Variants in ZMIZ1 observed in about 807,000 individuals in gnomAD.
ZMIZ1 encodes zinc finger MIZ-type containing 1.
ZMIZ1 carries 17 observed loss-of-function variants against 113.9 expected under a neutral mutation model. The observed-to-expected ratio is 0.15, with a 90% confidence interval of 0.10 to 0.22. ZMIZ1 has a LOEUF of 0.22. Ranked by LOEUF, ZMIZ1 falls within the 10% of genes least tolerant of loss-of-function variation. The probability of loss-of-function intolerance (pLI) is 1.00; values close to 1 mark genes in which losing one functional copy is unlikely to be tolerated. For synonymous variants in ZMIZ1, 607 were observed against 603.1 expected, an observed-to-expected ratio of 1.01 and a Z score of -0.09; for missense variants, 1,059 against 1,477.8, an observed-to-expected ratio of 0.72 and a Z score of 4.65.
chr10:79,158,643 G>C lies in ZMIZ1; in HGVS notation c.-130-3410G>C, dbSNP rs184936617. 2.7e-4 allele frequency among the ~76,000 whole-genome samples: 41 copies of C among 152,320 alleles called. No homozygotes were observed. The East Asian group carries it at 7.9e-3, about 29-fold the overall frequency. ...CAGGCATCCTGGATTGACTGATCCT[G>C]CATCTCTCTGGGTCAGACTCAGCCC... On this transcript the variant is annotated intron_variant, in intron 3 of 24. Transcript: ENST00000334512.
intron 7 of ZMIZ1, among the ~76,000 whole-genome samples, chr10:79,261,968 A>G (rs57825790): frequency 0.025 from 3,768 of 152,304 alleles, 175 homozygotes; most frequent in African/African-American, 0.086. Flanking sequence ...CTCATAGGCC[A>G]GGGAGAGAGA....
intron 1 of ZMIZ1, among the ~76,000 whole-genome samples, chr10:79,101,891 A>C (rs1232310615): frequency 1.3e-5 from 2 of 152,136 alleles, no homozygotes; most frequent in East Asian, 3.9e-4. Context: ...GTCAATTACC[A>C]TCAGCTGCCA....
At chr10:79,292,035 A>T in intron 10 of ZMIZ1, 123 bp from the exon 11 acceptor site, 1 of 976,514 alleles carries the variant, frequency 1.0e-6, no homozygotes, top group Non-Finnish European at 1.6e-6. Flanking sequence ...GCCAATCCCA[A>T]GAGGCCCCGT....
In ZMIZ1 at chr10:79,305,554, C is replaced by G; in HGVS notation, c.2376C>G (p.Gly792=). The G allele has an allele frequency of 1.2e-6, 2 of 1,614,120 alleles. No homozygotes were observed. The highest frequency in any genetic ancestry group is 4.5e-5 in the East Asian group (2 of 44,878). ...CCAGTAAAACCGCTCTGCTGGAGGG[C>G]CTGGAGGTGGATCAGTACATGTGGG... ...PVCNKTALLE[G]LEVDQYMWGI... Residue 792 remains glycine, a synonymous_variant, in exon 21 of 25, where the codon GGC becomes GGG. Transcript: ENST00000334512.
intron 1 of ZMIZ1, among the ~76,000 whole-genome samples, chr10:79,081,402 T>G (rs1842654151): frequency 6.6e-6 from 1 of 152,202 alleles, no homozygotes; most frequent in African/African-American, 2.4e-5. Flanking sequence ...TAGCCCAGGT[T>G]GTAAGACGTG....
intron 8 of ZMIZ1, among the ~76,000 whole-genome samples, chr10:79,288,150 CT>C (rs929965206): frequency 1.3e-5 from 2 of 152,248 alleles, no homozygotes; most frequent in African/African-American, 4.8e-5. Context: ...CTGGTCGCCT[CT>C]GCAGGAGCCC....
At chr10:79,290,418 C>T (rs1480925964) in intron 9 of ZMIZ1, among the ~76,000 whole-genome samples, 4 of 152,228 alleles carry the variant, frequency 2.6e-5, no homozygotes, top group Admixed American at 2.6e-4. Context: ...TCTGTGGCTA[C>T]ATGGAAGGCT....
chr10:79,223,692 A>G (rs1315212029), intron 7 of ZMIZ1, among the ~76,000 whole-genome samples: 3 of 152,252 alleles, frequency 2.0e-5, no homozygotes, highest in African/African-American at 7.2e-5. Context: ...CCCAGGTCAC[A>G]TGGCTTCTGG....
chr10:79,152,403 G>A (rs1845747798), intron 3 of ZMIZ1, among the ~76,000 whole-genome samples: 1 of 152,224 alleles, frequency 6.6e-6, no homozygotes, highest in East Asian at 1.9e-4. Flanking sequence ...GGAGGGTTGA[G>A]GTGGGAGGAT....
intron 4 of ZMIZ1, among the ~76,000 whole-genome samples, chr10:79,193,803 G>A (rs1589404663): frequency 6.6e-6 from 1 of 152,228 alleles, no homozygotes; most frequent in East Asian, 1.9e-4. Context: ...GCAAAGACAT[G>A]GAGGTGCGAT....
At chr10:79,299,376 G>C (rs1392660727) in intron 16 of ZMIZ1, among the ~76,000 whole-genome samples, 185 bp downstream of exon 16, 1 of 152,264 alleles carries the variant, frequency 6.6e-6, no homozygotes, top group African/African-American at 2.4e-5. Context: ...TGCACAGGTA[G>C]ATGAGCAGTC....
intron 1 of ZMIZ1, among the ~76,000 whole-genome samples, chr10:79,112,430 C>T (rs77548561): frequency 0.011 from 1,740 of 152,240 alleles, 20 homozygotes; most frequent in African/African-American, 0.039. Flanking sequence ...GCTCCATCAC[C>T]GAAAGTCCTT....
chr10:79,071,653 C>T (rs1049064741), intron 1 of ZMIZ1, among the ~76,000 whole-genome samples: 1 of 152,220 alleles, frequency 6.6e-6, no homozygotes, highest in East Asian at 1.9e-4. Flanking sequence ...GTGCAGGGGC[C>T]GGGTGGGTTT....
chr10:79,241,867 C>T (rs995031708), intron 7 of ZMIZ1, among the ~76,000 whole-genome samples: 3 of 152,018 alleles, frequency 2.0e-5, no homozygotes, highest in African/African-American at 7.3e-5. Flanking sequence ...GGTCAGCTCC[C>T]GGTGTTGGCC....
At chr10:79,185,107 A>G (rs1267557839) in intron 4 of ZMIZ1, among the ~76,000 whole-genome samples, 3 of 151,872 alleles carry the variant, frequency 2.0e-5, no homozygotes, top group East Asian at 1.9e-4. Flanking sequence ...TTGGCTGTGG[A>G]TAATTGTCGG....
Position 79,118,260 on chromosome 10 carries a change from C to T in ZMIZ1, c.-336-655C>T, listed in dbSNP as rs1348841391. On this transcript the variant is annotated intron_variant, in intron 1 of 24. Transcript: ENST00000334512. The surrounding 1 kb of genome is among the most constrained non-coding windows in gnomAD (Gnocchi z 4.1). ...GGAGGCCTCCTGACTTCAGTCAGCCCATGTTTTTCTGTTTGTTCACTGCAC... is the reference window on the plus strand; with the variant it reads ...GGAGGCCTCCTGACTTCAGTCAGCCTATGTTTTTCTGTTTGTTCACTGCAC... Among the ~76,000 whole-genome samples the T allele has an allele frequency of 6.6e-6, 1 of 152,148 alleles. No individual in the cohort carries two copies. Among genetic ancestry groups the T allele is most frequent in the South Asian group, 2.1e-4 (1 of 4,824 alleles).
chr10:79,168,560 C>T (rs11597946), intron 4 of ZMIZ1, among the ~76,000 whole-genome samples: 29,399 of 152,152 alleles, frequency 0.19, 3,168 homozygotes, highest in Middle Eastern at 0.24. Context: ...AGCTTGTGCA[C>T]CCTCAGCTTC....
At chr10:79,263,093 G>A (rs1851368076) in intron 7 of ZMIZ1, among the ~76,000 whole-genome samples, 2 of 152,250 alleles carry the variant, frequency 1.3e-5, no homozygotes, top group South Asian at 2.1e-4. Context: ...CATAGCACAG[G>A]GTCAGAAGGG....
Position 79,266,512 on chromosome 10 carries a change from A to C in ZMIZ1, c.281-10669A>C, listed in dbSNP as rs1387520331. On this transcript the variant is annotated intron_variant, in intron 7 of 24. Coordinates refer to ENST00000334512, the MANE Select transcript of ZMIZ1 (RefSeq NM_020338.4). ...GAGAACCAAAAGGTTGTGTGCTCCC[A>C]CGGCCCGGTTAGATCCTCATCCACA... Among the ~76,000 whole-genome samples, 6 of 152,366 alleles carry C rather than the reference A, an allele frequency of 3.9e-5. No homozygotes were observed. In the East Asian group the frequency reaches 9.6e-4, roughly 24 times the overall value.
Sources: gnomAD v4.1 joint callset for allele counts (sites outside exome capture counted in the v4.1 genomes callset) on GRCh38, gnomAD v4.1.1 for gene constraint, Gnocchi (gnomAD v3.1) non-coding constraint, MANE v1.5 for transcripts, NCBI Gene and HGNC (gene_info 2026-07-23, HGNC 2026-07-21) for gene names.